The following UNC5C variants were observed in gnomAD, a reference collection of about 807,000 sequenced individuals.
UNC5C encodes netrin receptor UNC5C.
In UNC5C, 47 loss-of-function variants were observed where a neutral mutation model predicts 99.8. The observed-to-expected ratio is 0.47, with a 90% CI of 0.37 to 0.60. UNC5C has a LOEUF of 0.60. Among genes scored for constraint, UNC5C ranks in the 20% least tolerant of loss-of-function variants. UNC5C has a pLI of 0.00. For synonymous variants in UNC5C, 487 were observed against 452.2 expected (o/e 1.08, Z -0.98); for missense variants, 1,062 against 1,165.9 (o/e 0.91, Z 1.30).
intron 1 of UNC5C, among the ~76,000 whole-genome samples, chr4:95,391,864 A>T (rs1319667876): frequency 6.6e-6 from 1 of 151,754 alleles, no homozygotes; most frequent in African/African-American, 2.4e-5. Context: ...ATCACTTGAG[A>T]CCATGAGTTT....
intron 1 of UNC5C, among the ~76,000 whole-genome samples, chr4:95,341,037 A>G (rs1743552865): frequency 6.6e-6 from 1 of 152,192 alleles, no homozygotes; most frequent in African/African-American, 2.4e-5. Flanking sequence ...GTGCAATTGC[A>G]TATATGGCTG....
intron 1 of UNC5C, among the ~76,000 whole-genome samples, chr4:95,464,319 G>A (rs1215245281): frequency 6.6e-6 from 1 of 152,174 alleles, no homozygotes; most frequent in Non-Finnish European, 1.5e-5. Flanking sequence ...GCATAATAAT[G>A]AATTGGTTCC....
intron 14 of UNC5C, among the ~76,000 whole-genome samples, chr4:95,176,076 C>T (rs1258654853): frequency 6.6e-6 from 1 of 151,378 alleles, no homozygotes; most frequent in Non-Finnish European, 1.5e-5. Flanking sequence ...GTTCTTGAGC[C>T]TTGGTTTTCA....
At chr4:95,481,598 G>T (rs1721158101) in intron 1 of UNC5C, among the ~76,000 whole-genome samples, 1 of 152,086 alleles carries the variant, frequency 6.6e-6, no homozygotes, top group South Asian at 2.1e-4. Flanking sequence ...CACTCTACCT[G>T]ACTTCAAACT....
rs1195960762 is a variant in UNC5C, at chr4:95,326,712, C to A, written c.346+8698G>T. Among the ~76,000 whole-genome samples, 3 of 152,070 alleles carry A rather than the reference C, an allele frequency of 2.0e-5. No individual in the cohort carries two copies. In the East Asian group the frequency reaches 5.8e-4, roughly 29 times the overall value. ...TTCAATCAGTATATTTTGTTATGAT[C>A]AATGGATAGATATACTCAGTGAGTA... On this transcript the variant is annotated intron_variant, in intron 2 of 15. Transcript: ENST00000453304.
intron 7 of UNC5C, 30 bp from the exon 8 acceptor site, chr4:95,220,206 C>T: frequency 6.3e-7 from 1 of 1,587,464 alleles, no homozygotes; most frequent in Non-Finnish European, 8.6e-7. Flanking sequence ...ATTGAACCAG[C>T]TGCTTATAGA....
intron 1 of UNC5C, among the ~76,000 whole-genome samples, chr4:95,347,512 A>C (rs1228781960): frequency 6.6e-6 from 1 of 152,144 alleles, no homozygotes; most frequent in Non-Finnish European, 1.5e-5. Context: ...AAATTATACT[A>C]TAGAGCTATA....
chr4:95,226,606 C>T (rs1166931898), intron 7 of UNC5C, among the ~76,000 whole-genome samples: 1 of 152,180 alleles, frequency 6.6e-6, no homozygotes, highest in Non-Finnish European at 1.5e-5. Context: ...CCCAGTTTTT[C>T]AGAGAAGCCG....
chr4:95,192,039 T>C (rs1340915764), intron 12 of UNC5C, among the ~76,000 whole-genome samples: 1 of 107,026 alleles, frequency 9.3e-6, no homozygotes, highest in African/African-American at 3.7e-5. Flanking sequence ...CCTCCTCTGC[T>C]CACTTCCTCT....
chr4:95,201,717 C>A (rs1737666737), intron 12 of UNC5C, among the ~76,000 whole-genome samples: 1 of 152,072 alleles, frequency 6.6e-6, no homozygotes. Flanking sequence ...CATTCTCCTG[C>A]CTCAGCCTCC....
intron 1 of UNC5C, among the ~76,000 whole-genome samples, chr4:95,498,690 T>C (rs1265193272): frequency 1.5e-5 from 2 of 131,260 alleles, no homozygotes; most frequent in African/African-American, 5.5e-5. Flanking sequence ...AAAAATGTTT[T>C]CAGATTGGAA....
intron 7 of UNC5C, among the ~76,000 whole-genome samples, chr4:95,227,168 G>GAGAT (rs1560742140): frequency 6.7e-6 from 1 of 148,554 alleles, no homozygotes; most frequent in African/African-American, 2.5e-5. Flanking sequence ...TATTTATTTC[G>GAGAT]AGATAGGGTC....
At chr4:95,241,838 C>A (rs922555716) in intron 7 of UNC5C, among the ~76,000 whole-genome samples, 2 of 152,160 alleles carry the variant, frequency 1.3e-5, no homozygotes, top group African/African-American at 4.8e-5. Flanking sequence ...ATTCCTGAGC[C>A]AATCTTCGGC....
At chr4:95,348,569 A>G (rs1240141624) in intron 1 of UNC5C, among the ~76,000 whole-genome samples, 1 of 149,554 alleles carries the variant, frequency 6.7e-6, no homozygotes, top group Non-Finnish European at 1.5e-5. Flanking sequence ...AATGTGGTAG[A>G]TATACACAAT....
chr4:95,424,513 C>CTT (rs1746409640), intron 1 of UNC5C, among the ~76,000 whole-genome samples: 1 of 85,018 alleles, frequency 1.2e-5, no homozygotes, highest in Non-Finnish European at 2.4e-5. Flanking sequence ...TTTTTTTTTT[C>CTT]TTTTCTTTTT....
intron 1 of UNC5C, among the ~76,000 whole-genome samples, chr4:95,506,301 T>C (rs1478791536): frequency 6.6e-6 from 1 of 152,062 alleles, no homozygotes; most frequent in East Asian, 1.9e-4. Context: ...TGACAGTATT[T>C]GTATTTAGGA....
chr4:95,444,566 C>G (rs1747041071), intron 1 of UNC5C, among the ~76,000 whole-genome samples: 2 of 152,090 alleles, frequency 1.3e-5, no homozygotes, highest in South Asian at 4.1e-4. Flanking sequence ...CTCCTGACCT[C>G]GTGATCCGCC....
chr4:95,330,575 CA>C (rs923044211), intron 2 of UNC5C, among the ~76,000 whole-genome samples: 2 of 151,992 alleles, frequency 1.3e-5, no homozygotes, highest in African/African-American at 2.4e-5. Context: ...GTTGGTGATA[CA>C]AATTTTTTAT....
At chr4:95,478,859 T>C (rs796566037) in intron 1 of UNC5C, among the ~76,000 whole-genome samples, 3 of 151,950 alleles carry the variant, frequency 2.0e-5, no homozygotes, top group African/African-American at 7.2e-5. Flanking sequence ...AATGGCTTGA[T>C]GCCTTTATCA....
Sources: allele counts gnomAD v4.1 joint callset (sites outside exome capture counted in the v4.1 genomes callset), GRCh38; gene constraint gnomAD v4.1.1; transcripts MANE v1.5; gene names NCBI Gene and HGNC (gene_info 2026-07-23, HGNC 2026-07-21).